Variants in GPATCH3 observed in about 807,000 individuals in gnomAD.
GPATCH3 encodes G patch domain-containing protein 3.
In GPATCH3, 45 loss-of-function variants were observed where a neutral mutation model predicts 53.2. The ratio of observed to expected loss-of-function variants is 0.85; its 90% CI spans 0.67 to 1.08. GPATCH3 has a LOEUF of 1.08. Ranked by LOEUF, GPATCH3 falls within the 50% of genes least tolerant of loss-of-function variation. The pLI is 0.00. For synonymous variants in GPATCH3, 280 were observed against 270.6 expected (o/e 1.03, Z -0.34); for missense variants, 680 against 687.2 (o/e 0.99, Z 0.12).
intron 1 of GPATCH3, 67 bp from the exon 2 acceptor site, chr1:26,897,792 G>A: frequency 7.4e-7 from 1 of 1,346,448 alleles, no homozygotes; most frequent in Non-Finnish European, 1.0e-6. Context: ...CCAGAAATTG[G>A]CCAATGTTTA....
At chr1:26,896,738 C>G (rs1219762144) in intron 2 of GPATCH3, among the ~76,000 whole-genome samples, 1 of 142,360 alleles carries the variant, frequency 7.0e-6, no homozygotes, top group Non-Finnish European at 1.5e-5. Context: ...GAGGAACCAT[C>G]CTGGCCAGGC....
chr1:26,893,354 T>A (rs374845081), intron 4 of GPATCH3, 35 bp downstream of exon 4: 32 of 1,548,022 alleles, frequency 2.1e-5, no homozygotes, highest in Non-Finnish European at 2.8e-5. Flanking sequence ...AGGGCACCTG[T>A]TTCACCTCCA....
In GPATCH3 at chr1:26,891,098, T is replaced by A; in HGVS notation, c.1490A>T (p.Gln497Leu). Residue 497 changes from glutamine (Q) to leucine (L), a missense_variant, in exon 7 of 7, where the codon CAG becomes CTG. Gln to Leu is a moderately radical substitution (Grantham distance 113). Coordinates refer to ENST00000361720, the MANE Select transcript of GPATCH3 (RefSeq NM_022078.3). The stretch of plus-strand genomic sequence containing the variant: ...CCGAAACTTCATGCTGGTGGGTGGC[T>A]GGCGGCGGAGCAGTGACTCCGTCTG... ...QDQTESLLRR[Q>L]PPTSMKFRTD... 1 of 1,614,112 alleles carries A rather than the reference T, an allele frequency of 6.2e-7. No homozygotes were observed. Among genetic ancestry groups the A allele is most frequent in the East Asian group, 2.2e-5 (1 of 44,878 alleles).
rs780377132 is a variant in GPATCH3 at position 26,897,382 on chromosome 1, C to A, written c.795G>T (p.Leu265=). The change falls in exon 2 of 7, where the codon CTG becomes CTT. Residue 265 remains leucine (L), a synonymous_variant. Transcript: ENST00000361720. ...EGEEIPQGTY[L]ADIPASPCGE... ...CACAGGGGCTGGCTGGTATATCTGC[C>A]AGGTAGGTTCCTTGGGGTATTTCTT... 2.4e-5 allele frequency: 38 copies of A among 1,614,088 alleles called. No homozygotes were observed. The highest frequency in any genetic ancestry group is 2.9e-5 in the Non-Finnish European group (34 of 1,180,046).
Position 26,892,478 on chromosome 1 carries a change from T to TGCAGCCCAGGCCCTGGCCC in GPATCH3, c.1275_1293dup (p.Arg432GlyfsTer13), listed in dbSNP as rs1553160757. The stretch of plus-strand genomic sequence containing the variant: ...AGGGCCTCAGGCACCCCTGAGCACC[T>TGCAGCCCAGGCCCTGGCCC]GCAGCCCAGGCCCTGGCCCTCAGCC... On this transcript the variant is annotated frameshift_variant, in exon 6 of 7. Coordinates refer to ENST00000361720, the MANE Select transcript of GPATCH3 (RefSeq NM_022078.3). LOFTEE classifies it high-confidence loss of function. 2.2e-5 allele frequency: 36 copies of TGCAGCCCAGGCCCTGGCCC among 1,614,054 alleles called. No homozygotes were observed. Among genetic ancestry groups the TGCAGCCCAGGCCCTGGCCC allele is most frequent in the Non-Finnish European group, 3.1e-5 (36 of 1,179,920 alleles).
rs974106552 is a variant in GPATCH3 at position 26,891,269 on chromosome 1, T to C, written c.1362-43A>G. The C allele has an allele frequency of 5.9e-6, 9 of 1,513,694 alleles. No homozygotes were observed. The African/African-American group carries it at 1.2e-4, about 21-fold the overall frequency. The allele number at this position is 1,513,694 out of a possible 1,614,324, so 93.8% of individuals were successfully genotyped here. On this transcript the variant is annotated intron_variant, in intron 6 of 6. Coordinates refer to ENST00000361720, the MANE Select transcript of GPATCH3 (RefSeq NM_022078.3). ...CTCAGTGAGAAGGCTGCTCTCAAACTCCAGTTAAAGGGGTTGGGAGAGGAC... is the reference window on the plus strand; with the variant it reads ...CTCAGTGAGAAGGCTGCTCTCAAACCCCAGTTAAAGGGGTTGGGAGAGGAC...
rs760982895 is a variant in GPATCH3, at chr1:26,899,984, A to G, written c.451+8T>C. ...GTAGGCCCAGTCTATTAACTTTCTC[A>G]CTCTTACCTGATGCCTCCGTAGGTA... On this transcript the variant is annotated splice_region_variant and intron_variant, in intron 1 of 6. Transcript: ENST00000361720. 10 of 1,613,200 alleles carry G rather than the reference A, an allele frequency of 6.2e-6. No homozygotes were observed. In the South Asian group the frequency reaches 1.1e-4, roughly 18 times the overall value.
chr1:26,893,146 T>C (rs1404842768), intron 4 of GPATCH3, among the ~76,000 whole-genome samples: 2 of 152,150 alleles, frequency 1.3e-5, no homozygotes, highest in Non-Finnish European at 2.9e-5. Flanking sequence ...GGCCTGACCA[T>C]CAGACCTAGA....
At chr1:26,894,160 T>A in intron 3 of GPATCH3, 76 bp downstream of exon 3, 1 of 1,451,852 alleles carries the variant, frequency 6.9e-7, no homozygotes, top group Non-Finnish European at 9.5e-7. Flanking sequence ...CACTACAGAA[T>A]CTACCGTGTG....
At chr1:26,891,861 C>T (rs1033663001) in intron 6 of GPATCH3, among the ~76,000 whole-genome samples, 2 of 152,192 alleles carry the variant, frequency 1.3e-5, no homozygotes, top group Non-Finnish European at 2.9e-5. Context: ...GCACCCACTA[C>T]CGTGCCCAGC....
intron 2 of GPATCH3, among the ~76,000 whole-genome samples, chr1:26,896,533 T>A (rs141802238): frequency 0.047 from 4,876 of 103,990 alleles, 61 homozygotes; most frequent in Non-Finnish European, 0.055. Context: ...CTACTAAAAA[T>A]AAAAAAAAAA....
In GPATCH3 at chr1:26,890,970, G is replaced by A. The variant is rs1205456433; in HGVS notation, c.*40C>T. 1 of 1,561,094 alleles carries A rather than the reference G, an allele frequency of 6.4e-7. No homozygotes were observed. Among genetic ancestry groups the A allele is most frequent in the Non-Finnish European group, 8.8e-7 (1 of 1,132,278 alleles). On this transcript the variant is annotated 3_prime_UTR_variant, in exon 7 of 7. Transcript: ENST00000361720. ...GTGGTAGATGAGGCCAGGGCAGAGG[G>A]TTTTCATCATGTAGCTATGAAAGGA...
chr1:26,899,184 AG>A (rs1327491246), intron 1 of GPATCH3, among the ~76,000 whole-genome samples: 1 of 152,210 alleles, frequency 6.6e-6, no homozygotes, highest in African/African-American at 2.4e-5. Flanking sequence ...TAAACAGTAT[AG>A]GCTCTGGAAC....
At chr1:26,892,820 G>A in intron 4 of GPATCH3, 29 bp from the exon 5 acceptor site, 2 of 1,607,792 alleles carry the variant, frequency 1.2e-6, no homozygotes, top group Non-Finnish European at 8.5e-7. Flanking sequence ...GTTTATGGAA[G>A]CGTCCCTCTC....
At chr1:26,899,069 T>A (rs944689500) in intron 1 of GPATCH3, among the ~76,000 whole-genome samples, 2 of 152,220 alleles carry the variant, frequency 1.3e-5, no homozygotes, top group Non-Finnish European at 2.9e-5. Context: ...CATTCTCTCC[T>A]ATTAACTCCT....
rs778109924 is a variant in GPATCH3 at position 26,892,686 on chromosome 1, A to C, written c.1217T>G (p.Phe406Cys). The change falls in exon 5 of 7, where the codon TTT becomes TGT. Residue 406 changes from phenylalanine (F) to cysteine (C), a missense_variant. Coordinates refer to ENST00000361720, the MANE Select transcript of GPATCH3 (RefSeq NM_022078.3). ...GSVIERQVGT[F>C]ERHTKGIGRK... ...CTAACTCACCTTGGTGTGGCGCTCA[A>C]AGGTGCCCACCTGGCGTTCGATCAC... 2.5e-6 allele frequency: 4 copies of C among 1,614,034 alleles called. No individual in the cohort carries two copies. Among genetic ancestry groups the C allele is most frequent in the Non-Finnish European group, 3.4e-6 (4 of 1,179,992 alleles).
intron 3 of GPATCH3, 27 bp from the exon 4 acceptor site, chr1:26,893,475 G>A: frequency 2.6e-6 from 4 of 1,528,556 alleles, no homozygotes; most frequent in Non-Finnish European, 3.6e-6. Flanking sequence ...GCATCCAACA[G>A]AGTACATTAA....
chr1:26,898,627 C>A (rs1460759139), intron 1 of GPATCH3, among the ~76,000 whole-genome samples: 1 of 151,902 alleles, frequency 6.6e-6, no homozygotes, highest in Non-Finnish European at 1.5e-5. Context: ...ACGATGTGTT[C>A]CAGCCACACC....
Position 26,892,426 on chromosome 1 carries a change from C to G in GPATCH3, c.1346G>C (p.Cys449Ser), listed in dbSNP as rs1045998839. The G allele has an allele frequency of 6.2e-7, 1 of 1,613,374 alleles. No homozygotes were observed. The highest frequency in any genetic ancestry group is 1.3e-5 in the African/African-American group (1 of 74,916). The change falls in exon 6 of 7, where the codon TGC becomes TCC. Residue 449 changes from cysteine to serine, a missense_variant. Transcript: ENST00000361720. ...TCACACTTACCCCAATCCACGCTTG[C>G]ATCTGGGGTGTTGGCCATCACTATC... ...ALDSDGQHPRCKRGLGYHGEK... is the reference protein window; with the variant it reads ...ALDSDGQHPRSKRGLGYHGEK...
Sources: gnomAD v4.1 joint callset for allele counts (sites outside exome capture counted in the v4.1 genomes callset) on GRCh38, gnomAD v4.1.1 for gene constraint, MANE v1.5 for transcripts, NCBI Gene and HGNC (gene_info 2026-07-23, HGNC 2026-07-21) for gene names.